Variants in PIP5K1B observed in about 807,000 individuals in gnomAD.
The protein encoded by PIP5K1B is phosphatidylinositol-4-phosphate 5-kinase type 1 beta, also known as phosphatidylinositol 4-phosphate 5-kinase type-1 beta.
In PIP5K1B, 42 loss-of-function variants were observed where a neutral mutation model predicts 67.0. The ratio of observed to expected loss-of-function variants is 0.63; its 90% CI spans 0.49 to 0.81. The LOEUF (loss-of-function observed/expected upper bound fraction) is 0.81. PIP5K1B is among the 30% of genes least tolerant of loss of function. The pLI is 0.00. For missense variants in PIP5K1B, 459 were observed against 646.3 expected, an observed-to-expected ratio of 0.71 and a Z score of 3.14; for synonymous variants, 214 against 231.4, an observed-to-expected ratio of 0.92 and a Z score of 0.68.
chr9:68,825,085 C>T (rs1171669403), intron 4 of PIP5K1B, among the ~76,000 whole-genome samples: 1 of 152,178 alleles, frequency 6.6e-6, no homozygotes, highest in Non-Finnish European at 1.5e-5. Context: ...ATGGTTTATA[C>T]ATATTTAGAG....
At chr9:68,776,644 A>AT (rs1380290996) in intron 2 of PIP5K1B, among the ~76,000 whole-genome samples, 4 of 151,848 alleles carry the variant, frequency 2.6e-5, no homozygotes, top group Non-Finnish European at 5.9e-5. Flanking sequence ...AATAAGTAAT[A>AT]TTTTTTAAAA....
intron 15 of PIP5K1B, among the ~76,000 whole-genome samples, chr9:69,000,571 T>A (rs1830779402): frequency 6.6e-6 from 1 of 152,178 alleles, no homozygotes; most frequent in Admixed American, 6.5e-5. Context: ...AGCCTTTCGC[T>A]GGTTTGTAGG....
chr9:68,936,169 CT>C (rs1388619280), intron 13 of PIP5K1B, among the ~76,000 whole-genome samples: 1 of 152,034 alleles, frequency 6.6e-6, no homozygotes, highest in Non-Finnish European at 1.5e-5. Flanking sequence ...ACTTCACACC[CT>C]TTTTGTCTTT....
intron 14 of PIP5K1B, among the ~76,000 whole-genome samples, chr9:68,960,192 T>A (rs536713163): frequency 6.6e-6 from 1 of 152,342 alleles, no homozygotes; most frequent in East Asian, 1.9e-4. Context: ...CAGAAGTGGT[T>A]TTCAAAGGCA....
At chr9:68,992,363 G>T (rs2132965173) in intron 15 of PIP5K1B, among the ~76,000 whole-genome samples, 1 of 152,224 alleles carries the variant, frequency 6.6e-6, no homozygotes, top group South Asian at 2.1e-4. Context: ...TGTCGCTCCT[G>T]GTGTACAAGT....
At chr9:68,978,052 T>TTA (rs1587750531) in intron 14 of PIP5K1B, among the ~76,000 whole-genome samples, 1 of 152,148 alleles carries the variant, frequency 6.6e-6, no homozygotes, top group East Asian at 1.9e-4. Flanking sequence ...CAAATAAAAA[T>TTA]TATATATATT....
At chr9:68,910,322 T>C (rs565916190) in intron 8 of PIP5K1B, among the ~76,000 whole-genome samples, 1 of 152,288 alleles carries the variant, frequency 6.6e-6, no homozygotes, top group East Asian at 1.9e-4. Context: ...TGTGGGTAGG[T>C]TTGAAAGCAC....
In PIP5K1B at chr9:68,995,060, C is replaced by G. The variant is rs540009158; in HGVS notation, c.1620+3803C>G. On this transcript the variant is annotated intron_variant, in intron 15 of 15. Transcript: ENST00000265382. ...TTGTGAGGCTGAGGCTGGAGGATCCCTCAGGCCCAGGAGTCTGAGGTTGCA... is the reference window on the plus strand; with the variant it reads ...TTGTGAGGCTGAGGCTGGAGGATCCGTCAGGCCCAGGAGTCTGAGGTTGCA... Among the ~76,000 whole-genome samples the G allele has an allele frequency of 8.6e-5, 13 of 152,036 alleles. No individual in the cohort carries two copies. The South Asian group carries it at 2.7e-3, about 32-fold the overall frequency.
At chr9:68,969,325 G>T (rs1027530655) in intron 14 of PIP5K1B, among the ~76,000 whole-genome samples, 1 of 138,484 alleles carries the variant, frequency 7.2e-6, no homozygotes, top group Non-Finnish European at 1.5e-5. Context: ...CCGAGATCAC[G>T]CCACTGCACT....
At chr9:68,715,593 A>G (rs1394790888) in intron 1 of PIP5K1B, among the ~76,000 whole-genome samples, 1 of 152,234 alleles carries the variant, frequency 6.6e-6, no homozygotes. Context: ...GGGCTTCAAC[A>G]GTATGATTAT....
rs79442670 is a variant in PIP5K1B at position 69,006,951 on chromosome 9, C to T, written c.1621-1496C>T. Reference sequence around the variant, plus strand: ...TTATCAGACTGAGGCTGAATGAAATCCACCAGTCCACCTTAAAGACAGCTA... The same window carrying T: ...TTATCAGACTGAGGCTGAATGAAATTCACCAGTCCACCTTAAAGACAGCTA... On this transcript the variant is annotated intron_variant, in intron 15 of 15. Transcript: ENST00000265382. Among the ~76,000 whole-genome samples, 13 of 152,288 alleles carry T rather than the reference C, an allele frequency of 8.5e-5. No individual in the cohort carries two copies. In the East Asian group the frequency reaches 2.5e-3, roughly 29 times the overall value.
chr9:68,756,551 T>C (rs1829933426), intron 2 of PIP5K1B, among the ~76,000 whole-genome samples: 1 of 152,228 alleles, frequency 6.6e-6, no homozygotes, highest in Non-Finnish European at 1.5e-5. Context: ...TAATTGAAAA[T>C]AAAGAGAATT....
chr9:68,831,298 A>T (rs752531883), intron 4 of PIP5K1B, among the ~76,000 whole-genome samples: 3 of 152,268 alleles, frequency 2.0e-5, no homozygotes, highest in African/African-American at 4.8e-5. Flanking sequence ...CAATGCTAAT[A>T]ATAGAGTTAA....
intron 1 of PIP5K1B, among the ~76,000 whole-genome samples, chr9:68,736,606 T>TC (rs1202923583): frequency 1.3e-5 from 2 of 152,190 alleles, no homozygotes; most frequent in Non-Finnish European, 2.9e-5. Flanking sequence ...AGAATCCATT[T>TC]CCTTGCTTCT....
intron 13 of PIP5K1B, among the ~76,000 whole-genome samples, chr9:68,939,223 G>A (rs1827432278): frequency 6.6e-6 from 1 of 152,204 alleles, no homozygotes; most frequent in Non-Finnish European, 1.5e-5. Context: ...CTCCTCATGG[G>A]TTGAGGGGTC....
chr9:68,723,108 G>A (rs574818446), intron 1 of PIP5K1B, among the ~76,000 whole-genome samples: 2 of 152,114 alleles, frequency 1.3e-5, no homozygotes, highest in South Asian at 2.1e-4. Flanking sequence ...TTTCCACCAT[G>A]TTGCTACAAA....
At chr9:69,004,337 T>TTGTGTGTGTG (rs56680798) in intron 15 of PIP5K1B, among the ~76,000 whole-genome samples, 4 of 148,368 alleles carry the variant, frequency 2.7e-5, no homozygotes, top group Non-Finnish European at 4.5e-5. Context: ...GTGTGTGTTT[T>TTGTGTGTGTG]TGTGTGTGTG....
chr9:68,714,225 A>G (rs1005359700), intron 1 of PIP5K1B, among the ~76,000 whole-genome samples: 2 of 152,160 alleles, frequency 1.3e-5, no homozygotes, highest in Non-Finnish European at 2.9e-5. Flanking sequence ...CAGAATCATG[A>G]TCTGTTTTCT....
intron 4 of PIP5K1B, among the ~76,000 whole-genome samples, chr9:68,856,322 T>C (rs1300750141): frequency 6.6e-6 from 1 of 152,168 alleles, no homozygotes; most frequent in Non-Finnish European, 1.5e-5. Flanking sequence ...TCACCACACA[T>C]AGTAATCCAA....
Sources: allele counts gnomAD v4.1 joint callset (sites outside exome capture counted in the v4.1 genomes callset), GRCh38; gene constraint gnomAD v4.1.1; transcripts MANE v1.5; gene names NCBI Gene and HGNC (gene_info 2026-07-23, HGNC 2026-07-21).